The following SORCS3 variants were observed in gnomAD, a reference collection of about 807,000 sequenced individuals.
SORCS3 encodes sortilin related VPS10 domain containing receptor 3, also known as VPS10 domain-containing receptor SorCS3.
Under a neutral mutation model 146.3 loss-of-function variants are expected in SORCS3, and 57 were observed. The ratio of observed to expected loss-of-function variants is 0.39; its 90% CI spans 0.31 to 0.49. SORCS3 has a LOEUF of 0.49. Among genes scored for constraint, SORCS3 ranks in the 20% least tolerant of loss-of-function variants. The probability of loss-of-function intolerance (pLI) is 0.92; values close to 1 mark genes in which losing one functional copy is unlikely to be tolerated. For synonymous variants in SORCS3, 653 were observed against 618.5 expected (o/e 1.06, Z -0.83); for missense variants, 1,341 against 1,575.5 (o/e 0.85, Z 2.52).
intron 4 of SORCS3, among the ~76,000 whole-genome samples, chr10:105,022,343 G>C (rs1417816579): frequency 7.0e-6 from 1 of 143,800 alleles, no homozygotes; most frequent in Non-Finnish European, 1.5e-5. Flanking sequence ...TGTTGCCCAA[G>C]CTGGAGTGCA....
intron 12 of SORCS3, 71 bp downstream of exon 12, chr10:105,164,450 A>G (rs12249990): frequency 0.096 from 101,266 of 1,055,620 alleles, 5,505 homozygotes; most frequent in Middle Eastern, 0.16. Flanking sequence ...TCTCCATCCT[A>G]TAGATTCTCA....
chr10:104,667,882 C>T (rs2015801597), intron 1 of SORCS3, among the ~76,000 whole-genome samples: 1 of 152,176 alleles, frequency 6.6e-6, no homozygotes, highest in Admixed American at 6.6e-5. Flanking sequence ...CATGGACCTC[C>T]TCTGGGAGCT....
intron 1 of SORCS3, among the ~76,000 whole-genome samples, chr10:104,777,015 G>C (rs1036344984): frequency 6.6e-6 from 1 of 151,856 alleles, no homozygotes; most frequent in Non-Finnish European, 1.5e-5. Context: ...GGGGTGGTGG[G>C]GGGTGGAGGC....
intron 4 of SORCS3, among the ~76,000 whole-genome samples, chr10:104,996,673 G>T (rs991337537): frequency 6.6e-6 from 1 of 152,082 alleles, no homozygotes; most frequent in African/African-American, 2.4e-5. Flanking sequence ...GGTCATTTGT[G>T]ACTGAGTACA....
chr10:104,961,553 A>G (rs1406597575), intron 3 of SORCS3, among the ~76,000 whole-genome samples: 1 of 152,176 alleles, frequency 6.6e-6, no homozygotes, highest in East Asian at 1.9e-4. Flanking sequence ...ATTACTGGAA[A>G]TAAATATCTG....
intron 1 of SORCS3, among the ~76,000 whole-genome samples, chr10:104,800,012 A>G (rs1457194601): frequency 4.6e-5 from 7 of 152,110 alleles, no homozygotes; most frequent in Non-Finnish European, 1.0e-4. Context: ...AAGAAAATGT[A>G]TGTCTACACA....
intron 4 of SORCS3, among the ~76,000 whole-genome samples, chr10:105,024,554 C>A (rs2055215520): frequency 6.6e-6 from 1 of 152,130 alleles, no homozygotes; most frequent in African/African-American, 2.4e-5. Context: ...AAGAGGAGAT[C>A]AGATCTTTGC....
intron 4 of SORCS3, among the ~76,000 whole-genome samples, chr10:105,037,346 A>G (rs894110193): frequency 1.3e-5 from 2 of 152,146 alleles, no homozygotes; most frequent in African/African-American, 4.8e-5. Flanking sequence ...AGTTTCCTAG[A>G]GCTGCTGTGA....
At chr10:105,153,139 C>T (rs1468435199) in intron 9 of SORCS3, among the ~76,000 whole-genome samples, 13 of 152,054 alleles carry the variant, frequency 8.5e-5, no homozygotes, top group Admixed American at 7.9e-4. Flanking sequence ...CCAAAGTCAC[C>T]GACAAACACA....
intron 1 of SORCS3, among the ~76,000 whole-genome samples, chr10:104,764,787 A>G (rs185786974): frequency 2.4e-3 from 360 of 152,274 alleles, no homozygotes; most frequent in Non-Finnish European, 3.5e-3. Context: ...GTGTCATATG[A>G]ATCAGTTCCC....
chr10:105,066,779 A>G lies in SORCS3; in HGVS notation c.1029-22996A>G, dbSNP rs368230314. On this transcript the variant is annotated intron_variant, in intron 5 of 26. Transcript: ENST00000369701. ...ATTTGGAGGAGTCAGGCTCCTCCAA[A>G]TCATGACCATTTCTTTACTACTCAC... Among the ~76,000 whole-genome samples, 54 of 152,090 alleles carry G rather than the reference A, an allele frequency of 3.6e-4. No homozygotes were observed. In the East Asian group the frequency reaches 8.6e-3, roughly 24 times the overall value.
At chr10:105,218,947 G>A (rs1589693873) in intron 19 of SORCS3, among the ~76,000 whole-genome samples, 1 of 152,068 alleles carries the variant, frequency 6.6e-6, no homozygotes, top group Admixed American at 6.6e-5. Context: ...CCTGGGAGGC[G>A]GAGGTTGCAG....
chr10:105,018,328 C>G (rs2055180034), intron 4 of SORCS3, among the ~76,000 whole-genome samples: 1 of 152,228 alleles, frequency 6.6e-6, no homozygotes, highest in Admixed American at 6.5e-5. Flanking sequence ...GGGATTGGCT[C>G]TGACTGCCTC....
chr10:104,993,000 A>T (rs2055003832), intron 4 of SORCS3, among the ~76,000 whole-genome samples: 1 of 152,178 alleles, frequency 6.6e-6, no homozygotes, highest in African/African-American at 2.4e-5. Context: ...GGGGCTGGAA[A>T]GAAAGGGAAA....
intron 4 of SORCS3, among the ~76,000 whole-genome samples, chr10:105,029,595 A>G (rs1204978009): frequency 1.3e-5 from 2 of 152,168 alleles, no homozygotes; most frequent in African/African-American, 2.4e-5. Context: ...CAGTCTTCCA[A>G]TCTCCTTTGT....
At chr10:104,647,253 G>A (rs1017152921) in intron 1 of SORCS3, among the ~76,000 whole-genome samples, 5 of 152,116 alleles carry the variant, frequency 3.3e-5, no homozygotes, top group African/African-American at 1.2e-4. Context: ...ATTGACTCCT[G>A]CATTCTGGCC....
Position 104,932,623 on chromosome 10 carries a change from T to C in SORCS3, c.795+16691T>C, listed in dbSNP as rs150065524. 3.7e-3 allele frequency among the ~76,000 whole-genome samples: 567 copies of C among 152,376 alleles called. 4 individuals carry two copies. Among genetic ancestry groups the C allele is most frequent in the African/African-American group, 0.013 (527 of 41,600 alleles). ...TCTACGTTGTGTGATTCTCAGCTTATGTGTTCAGCCTTTTCTTTGTCCTGC... is the reference window on the plus strand; with the variant it reads ...TCTACGTTGTGTGATTCTCAGCTTACGTGTTCAGCCTTTTCTTTGTCCTGC... On this transcript the variant is annotated intron_variant, in intron 3 of 26. Transcript: ENST00000369701.
At chr10:105,003,149 G>A (rs1320797415) in intron 4 of SORCS3, among the ~76,000 whole-genome samples, 1 of 152,134 alleles carries the variant, frequency 6.6e-6, no homozygotes, top group Non-Finnish European at 1.5e-5. Flanking sequence ...AGTGATGGTG[G>A]GAGAATTAAA....
Position 105,053,890 on chromosome 10 carries a change from A to C in SORCS3, c.1028+10762A>C, listed in dbSNP as rs1238478032. Among the ~76,000 whole-genome samples the C allele has an allele frequency of 2.0e-5, 3 of 152,088 alleles. No individual in the cohort carries two copies. The East Asian group carries it at 5.8e-4, about 29-fold the overall frequency. On this transcript the variant is annotated intron_variant, in intron 5 of 26. Transcript: ENST00000369701. ...AAGGTCTGATTATTATGATTTTTTT[A>C]GGATAGACTACCAAACTATATATAT... is the stretch of plus-strand genomic sequence containing the variant.
Sources: allele counts gnomAD v4.1 joint callset (sites outside exome capture counted in the v4.1 genomes callset), GRCh38; gene constraint gnomAD v4.1.1; transcripts MANE v1.5; gene names NCBI Gene and HGNC (gene_info 2026-07-23, HGNC 2026-07-21).